Variants in SCUBE2 observed in about 807,000 individuals in gnomAD.
SCUBE2 encodes the protein signal peptide, CUB domain and EGF like domain containing 2.
In SCUBE2, 114 loss-of-function variants were observed where a neutral mutation model predicts 125.9. The observed-to-expected ratio is 0.91, with a 90% CI of 0.78 to 1.06. SCUBE2 has a LOEUF of 1.06. Among genes scored for constraint, SCUBE2 ranks in the 50% least tolerant of loss-of-function variants. SCUBE2 has a pLI of 0.00. For missense variants in SCUBE2, 1,255 were observed against 1,301.8 expected, an observed-to-expected ratio of 0.96 and a Z score of 0.55; for synonymous variants, 459 against 492.9, an observed-to-expected ratio of 0.93 and a Z score of 0.91.
In SCUBE2 at chr11:9,020,009, T is replaced by C. The variant is rs146387794; in HGVS notation, c.*1036A>G. On this transcript the variant is annotated 3_prime_UTR_variant, in exon 23 of 23. Transcript: ENST00000649792. ...TGGCAGTGCTGTTACTGTTAGAGAA[T>C]GAGACCACCCTTCAAGGGGCTGCTC... Among the ~76,000 whole-genome samples the C allele has an allele frequency of 3.4e-3, 512 of 152,316 alleles. 6 individuals are homozygous for C. The highest frequency in any genetic ancestry group is 0.011 in the African/African-American group (472 of 41,578).
chr11:9,047,645 C>A, intron 15 of SCUBE2, 83 bp from the exon 16 acceptor site: 1 of 1,364,632 alleles, frequency 7.3e-7, no homozygotes, highest in Non-Finnish European at 1.0e-6. Context: ...CAGGCCCTAC[C>A]AACACCCCGA....
At chr11:9,088,119 A>G (rs2136010556) in intron 2 of SCUBE2, among the ~76,000 whole-genome samples, 1 of 152,386 alleles carries the variant, frequency 6.6e-6, no homozygotes, top group Middle Eastern at 3.4e-3. Context: ...CCACAGTATG[A>G]AACAGATTGG....
intron 17 of SCUBE2, among the ~76,000 whole-genome samples, chr11:9,032,768 A>AAT (rs1856426711): frequency 6.6e-6 from 1 of 152,270 alleles, no homozygotes; most frequent in South Asian, 2.1e-4. Flanking sequence ...TACAAGGGTA[A>AAT]ATTCATGCCA....
chr11:9,079,283 G>C, intron 3 of SCUBE2, 101 bp downstream of exon 3: 5 of 1,369,616 alleles, frequency 3.7e-6, no homozygotes, highest in Non-Finnish European at 5.0e-6. Context: ...GAAAACACAA[G>C]GCTCTGAGCC....
At chr11:9,047,270 G>A (rs1036457361) in intron 16 of SCUBE2, 86 bp downstream of exon 16, 34 of 1,361,026 alleles carry the variant, frequency 2.5e-5, no homozygotes, top group Non-Finnish European at 3.4e-5. Context: ...TGAGAAGGGA[G>A]GATGGGCCAG....
rs572896869 is a variant in SCUBE2 at position 9,046,556 on chromosome 11, C to G, written c.2002+800G>C. Among the ~76,000 whole-genome samples, 12 of 152,244 alleles carry G rather than the reference C, an allele frequency of 7.9e-5. No homozygotes were observed. The East Asian group carries it at 2.1e-3, about 27-fold the overall frequency. Reference sequence around the variant, plus strand: ...AGACGGGGGAGGGGTGCAGTGTAACCCTGAGAGGCCAGGAGGGCCCTGACA... The same window carrying G: ...AGACGGGGGAGGGGTGCAGTGTAACGCTGAGAGGCCAGGAGGGCCCTGACA... On this transcript the variant is annotated intron_variant, in intron 16 of 22. Coordinates refer to ENST00000649792, the MANE Select transcript of SCUBE2 (RefSeq NM_001367977.2).
chr11:9,030,372 G>A (rs887439232), intron 18 of SCUBE2: 1 of 422,000 alleles, frequency 2.4e-6, no homozygotes, highest in Admixed American at 3.9e-5. Context: ...GCAGAACTGA[G>A]GTTGGGTTTA....
chr11:9,069,331 G>T, intron 5 of SCUBE2, 39 bp downstream of exon 5: 1 of 1,611,696 alleles, frequency 6.2e-7, no homozygotes, highest in South Asian at 1.1e-5. Context: ...TGTGGAATAC[G>T]ACGGTTCCCA....
intron 16 of SCUBE2, among the ~76,000 whole-genome samples, chr11:9,037,580 G>A (rs72856076): frequency 0.087 from 13,200 of 152,292 alleles, 750 homozygotes; most frequent in South Asian, 0.23. Flanking sequence ...CTGAAGAAGA[G>A]CCATAAGCAG....
At position 9,059,350 on chromosome 11, in the gene SCUBE2, C is replaced by T. The variant is rs1452341610; in HGVS notation, c.1043G>A (p.Gly348Asp). ...CKNIVGSFDC[G>D]CKKGFKLLTD... The stretch of plus-strand genomic sequence containing the variant: ...TAATAATTTAAATCCTTTCTTGCAG[C>T]CGCAGTCAAAACTGCCCACGATGTT... Residue 348 changes from glycine to aspartate, a missense_variant, in exon 9 of 23, where the codon GGC becomes GAC. Physicochemically the swap from Gly to Asp is moderately conservative, Grantham distance 94 (BLOSUM62 -1). This residue lies in a region of SCUBE2 where 378 missense variants were observed against 463.1 expected (regional missense o/e 0.82). Transcript: ENST00000649792. 2 of 1,614,090 alleles carry T rather than the reference C, an allele frequency of 1.2e-6. No individual in the cohort carries two copies. The highest frequency in any genetic ancestry group is 1.7e-6 in the Non-Finnish European group (2 of 1,180,042).
At chr11:9,076,278 G>A (rs2135857156) in intron 3 of SCUBE2, among the ~76,000 whole-genome samples, 1 of 152,130 alleles carries the variant, frequency 6.6e-6, no homozygotes, top group African/African-American at 2.4e-5. Context: ...GGAGCCAGCA[G>A]AGAGGTAGGG....
intron 20 of SCUBE2, chr11:9,026,147 G>C (rs758356173): frequency 1.2e-5 from 3 of 251,370 alleles, no homozygotes; most frequent in African/African-American, 2.2e-5. Flanking sequence ...TTCCAGAACT[G>C]ACCTGCTGTC....
chr11:9,054,918 G>A (rs148117161), intron 10 of SCUBE2, among the ~76,000 whole-genome samples: 15 of 150,830 alleles, frequency 9.9e-5, no homozygotes, highest in African/African-American at 3.4e-4. Context: ...ATTTTTAGTA[G>A]AGACAGGGTT....
chr11:9,091,427 C>G lies in SCUBE2; in HGVS notation c.102G>C (p.Pro34=). The change falls in exon 1 of 23, where the codon CCG becomes CCC. Residue 34 remains proline (P), a synonymous_variant. Coordinates refer to ENST00000649792, the MANE Select transcript of SCUBE2 (RefSeq NM_001367977.2). This position sits in a 1 kb window ranked among gnomAD's most constrained non-coding sequence, Gnocchi z 8.5. ...GCGGCCCCGCGGCACGGCCCCGACC[C>G]GGCGGGACGGCCCCCGCCAGCAGCA... The part of the protein sequence containing the change: ...PLLLLAGAVP[P]GRGRAAGPQE... 7.5e-7 allele frequency: 1 copy of G among 1,331,770 alleles called. No homozygotes were observed. The highest frequency in any genetic ancestry group is 9.6e-7 in the Non-Finnish European group (1 of 1,042,794). 82.5% of individuals were successfully genotyped at this position (1,331,770 alleles called of 1,614,324 possible).
At chr11:9,038,581 C>T (rs540893203) in intron 16 of SCUBE2, among the ~76,000 whole-genome samples, 17 of 152,284 alleles carry the variant, frequency 1.1e-4, no homozygotes, top group African/African-American at 4.1e-4. Flanking sequence ...CACCACTACA[C>T]TCCAGCCTGG....
intron 2 of SCUBE2, among the ~76,000 whole-genome samples, chr11:9,082,553 C>A (rs1861724758): frequency 6.6e-6 from 1 of 151,766 alleles, no homozygotes; most frequent in Non-Finnish European, 1.5e-5. Flanking sequence ...TTTATAATAG[C>A]CCCAAAGTAG....
rs758687463 is a variant in SCUBE2 at position 9,052,841 on chromosome 11, C to G, written c.1448-9G>C. The G allele has an allele frequency of 1.3e-6, 2 of 1,533,154 alleles. No individual in the cohort carries two copies. Among genetic ancestry groups the G allele is most frequent in the South Asian group, 1.2e-5 (1 of 83,920 alleles). 95.0% of individuals were successfully genotyped at this position (1,533,154 alleles called of 1,614,324 possible). On this transcript the variant is annotated splice_polypyrimidine_tract_variant and intron_variant, in intron 12 of 22. Transcript: ENST00000649792. ...GTAGGCCCCTTGCAGTCCTGACAGA[C>G]AGAATGTCAATTGTCAAATGCATAA...
At chr11:9,045,413 C>G (rs934588967) in intron 16 of SCUBE2, among the ~76,000 whole-genome samples, 2 of 151,972 alleles carry the variant, frequency 1.3e-5, no homozygotes, top group African/African-American at 4.8e-5. Flanking sequence ...TTCCATCTCT[C>G]CCCCCAGGAG....
chr11:9,041,491 G>A (rs1359064580), intron 16 of SCUBE2, among the ~76,000 whole-genome samples: 1 of 152,176 alleles, frequency 6.6e-6, no homozygotes, highest in African/African-American at 2.4e-5. Flanking sequence ...CAGCCAGTGA[G>A]GTATGGAGAA....
Sources: allele counts gnomAD v4.1 joint callset (sites outside exome capture counted in the v4.1 genomes callset), GRCh38; gene constraint gnomAD v4.1.1; regional missense constraint gnomAD v4.1.1; non-coding constraint Gnocchi (gnomAD v3.1); transcripts MANE v1.5; gene names NCBI Gene and HGNC (gene_info 2026-07-23, HGNC 2026-07-21).